Variants in SHROOM1 observed in about 807,000 individuals in gnomAD.
SHROOM1 encodes shroom family member 1.
SHROOM1 carries 53 observed loss-of-function variants against 64.2 expected under a neutral mutation model. The observed-to-expected ratio is 0.83, with a 90% CI of 0.66 to 1.04. SHROOM1 has a LOEUF of 1.04. SHROOM1 is among the 50% of genes least tolerant of loss of function. SHROOM1 has a pLI of 0.00. For missense variants in SHROOM1, 1,179 were observed against 1,163.2 expected (o/e 1.01, Z -0.20); for synonymous variants, 490 against 518.9 (o/e 0.94, Z 0.76).
intron 1 of SHROOM1, among the ~76,000 whole-genome samples, chr5:132,829,295 C>T (rs1406680076): frequency 1.2e-4 from 18 of 152,102 alleles, no homozygotes; most frequent in Admixed American, 1.2e-3. Flanking sequence ...GGTGGAGGCA[C>T]CAGTCTGAAA....
At chr5:132,828,962 CCAGCCAGCCCCTG>C (rs1372923828) in intron 1 of SHROOM1, among the ~76,000 whole-genome samples, 1 of 152,226 alleles carries the variant, frequency 6.6e-6, no homozygotes, top group Non-Finnish European at 1.5e-5. Flanking sequence ...CTCTTGCAGT[CCAGCCAGCCCCTG>C]TGGCTGGGGG....
At position 132,824,239 on chromosome 5, in the gene SHROOM1, A is replaced by C; in HGVS notation, c.1422T>G (p.Thr474=). ...CAATAGTTGGGATGTTATCATTTGC[A>C]GTCCCAGTGGGGGTGTGGCTTGTGG... ...SRPTSHTPTG[T]ANDNIPTIDP... Residue 474 remains threonine, a synonymous_variant, in exon 7 of 10, where the codon ACT becomes ACG. Coordinates refer to ENST00000378679, the MANE Select transcript of SHROOM1 (RefSeq NM_001172700.2). 1 of 1,614,098 alleles carries C rather than the reference A, an allele frequency of 6.2e-7. No individual in the cohort carries two copies. Among genetic ancestry groups the C allele is most frequent in the Non-Finnish European group, 8.5e-7 (1 of 1,180,002 alleles).
Position 132,824,387 on chromosome 5 carries a change from C to A in SHROOM1, c.1274G>T (p.Gly425Val). 1 of 1,571,616 alleles carries A rather than the reference C, an allele frequency of 6.4e-7. No homozygotes were observed. The highest frequency in any genetic ancestry group is 8.6e-7 in the Non-Finnish European group (1 of 1,159,668). Reference sequence around the variant, plus strand: ...AACCTGGCCAGTTCTTTGGCCTAAGCCAGTTCCATACGGCTGGTCAGAGGC... The same window carrying A: ...AACCTGGCCAGTTCTTTGGCCTAAGACAGTTCCATACGGCTGGTCAGAGGC... The part of the protein sequence containing the change: ...VHASDQPYGT[G>V]LGQRTGQVTV... The change falls in exon 7 of 10, where the codon GGC becomes GTC. Residue 425 changes from glycine to valine, a missense_variant. Gly to Val is a moderately radical substitution (Grantham distance 109). Transcript: ENST00000378679.
chr5:132,822,855 C>G lies in SHROOM1; in HGVS notation c.2500G>C (p.Ala834Pro). Residue 834 changes from alanine (A) to proline (P), a missense_variant, in exon 10 of 10, where the codon GCG becomes CCG. Ala to Pro is a conservative substitution (Grantham distance 27). Coordinates refer to ENST00000378679, the MANE Select transcript of SHROOM1 (RefSeq NM_001172700.2). Reference protein sequence around the residue: ...LGHHAPSPSPARPPGTCPPVQ... With the variant: ...LGHHAPSPSPPRPPGTCPPVQ... ...GGAGGACAGGTCCCTGGGGGCCGCG[C>G]CGGGCTGGGAGACGGGGCATGATGG... 6.2e-7 allele frequency: 1 copy of G among 1,613,224 alleles called. No individual in the cohort carries two copies. Among genetic ancestry groups the G allele is most frequent in the Non-Finnish European group, 8.5e-7 (1 of 1,179,864 alleles).
At chr5:132,829,262 C>T (rs1758785260) in intron 1 of SHROOM1, among the ~76,000 whole-genome samples, 1 of 152,152 alleles carries the variant, frequency 6.6e-6, no homozygotes, top group African/African-American at 2.4e-5. Flanking sequence ...ATGAGATTGG[C>T]CTTCAAAGCT....
rs1758562448 is a variant in SHROOM1 at position 132,824,054 on chromosome 5, G to A, written c.1607C>T (p.Thr536Ile). Residue 536 changes from threonine to isoleucine, a missense_variant, in exon 7 of 10, where the codon ACA becomes ATA. Transcript: ENST00000378679. ...RGTGQPGSRP[T>I]WPSQCLEELV... ...CTCCTCGAGGCACTGACTAGGCCAT[G>A]TGGGCCTGGAACCAGGCTGGCCAGT... The A allele has an allele frequency of 1.2e-6, 2 of 1,611,598 alleles. No homozygotes were observed. The highest frequency in any genetic ancestry group is 1.7e-6 in the Non-Finnish European group (2 of 1,178,628).
rs558427750 is a variant in SHROOM1 at position 132,825,738 on chromosome 5, G to A, written c.403C>T (p.Pro135Ser). The A allele has an allele frequency of 2.4e-6, 3 of 1,264,190 alleles. No homozygotes were observed. Among genetic ancestry groups the A allele is most frequent in the East Asian group, 3.2e-5 (1 of 31,082 alleles). The allele number at this position is 1,264,190 out of a possible 1,614,324, so 78.3% of individuals were successfully genotyped here. A position where few individuals can be genotyped will look rare whatever the true frequency, so the allele number is the denominator to read the frequency against. ...TGGCGGTAGGCGGCCCTCGAGGCCG[G>A]CGGGCTGGGCGGCTCGGCAGCCTGC... ...AAQAAEPPSPPASRAAYRQRL... is the reference protein window; with the variant it reads ...AAQAAEPPSPSASRAAYRQRL... Residue 135 changes from proline to serine, a missense_variant, in exon 4 of 10, where the codon CCG becomes TCG. Transcript: ENST00000378679. The surrounding 1 kb of genome is among the most constrained non-coding windows in gnomAD (Gnocchi z 5.1).
chr5:132,824,770 C>T lies in SHROOM1; in HGVS notation c.1086G>A (p.Gln362=). The change falls in exon 6 of 10, where the codon CAG becomes CAA. Residue 362 remains glutamine (Q), a synonymous_variant. Transcript: ENST00000378679. The stretch of plus-strand genomic sequence containing the variant: ...TCTGTTCACTGTCAGCAGGGCTGCT[C>T]TGGGGTAACTCTGCAGGATACATCA... The part of the protein sequence containing the change: ...AAVMYPAELP[Q]SSPADSEQRV... 3 of 1,614,084 alleles carry T rather than the reference C, an allele frequency of 1.9e-6. No homozygotes were observed. Among genetic ancestry groups the T allele is most frequent in the African/African-American group, 1.3e-5 (1 of 75,020 alleles).
chr5:132,824,629 C>G lies in SHROOM1; in HGVS notation c.1227G>C (p.Gln409His). 6.2e-7 allele frequency: 1 copy of G among 1,608,524 alleles called. No individual in the cohort carries two copies. Among genetic ancestry groups the G allele is most frequent in the Non-Finnish European group, 8.5e-7 (1 of 1,175,858 alleles). Residue 409 changes from glutamine to histidine, a missense_variant, in exon 6 of 10, where the codon CAG (glutamine) becomes CAC (histidine). Transcript: ENST00000378679. ...GAGGGAATTACCTGGCTGGGGGCCCCTGGGAGGCATGGGGGTCTGGTGGTG... is the reference window on the plus strand; with the variant it reads ...GAGGGAATTACCTGGCTGGGGGCCCGTGGGAGGCATGGGGGTCTGGTGGTG... ...MRSPPDPHASQGPPASVHASD... is the reference protein window; with the variant it reads ...MRSPPDPHASHGPPASVHASD...
Position 132,824,288 on chromosome 5 carries a change from T to C in SHROOM1, c.1373A>G (p.Asn458Ser). The change falls in exon 7 of 10, where the codon AAT becomes AGT. Residue 458 changes from asparagine (N) to serine (S), a missense_variant. By Grantham distance (46) the Asn-to-Ser change is conservative (BLOSUM62 1). Transcript: ENST00000378679. ...AGADDCWQGV[N>S]GSVGISRPTS... ...GGGCCTGGAAATACCTACAGAACCA[T>C]TCACCCCCTGCCAGCAGTCATCTGC... is the stretch of plus-strand genomic sequence containing the variant. 6.2e-7 allele frequency: 1 copy of C among 1,613,762 alleles called. No homozygotes were observed. Among genetic ancestry groups the C allele is most frequent in the South Asian group, 1.1e-5 (1 of 91,034 alleles).
In SHROOM1 at chr5:132,825,958, G is replaced by C; in HGVS notation, c.183C>G (p.Asp61Glu). The C allele has an allele frequency of 6.8e-7, 1 of 1,467,864 alleles. No individual in the cohort carries two copies. Among genetic ancestry groups the C allele is most frequent in the Non-Finnish European group, 9.0e-7 (1 of 1,105,390 alleles). The allele number at this position is 1,467,864 out of a possible 1,614,324, so 90.9% of individuals were successfully genotyped here. ...GTDLLPYLDWDYVRVVWGGPG... is the reference protein window; with the variant it reads ...GTDLLPYLDWEYVRVVWGGPG... ...GGCCGCCCCAAACCACACGCACGTA[G>C]TCCCAGTCTAGGTAAGGAAGGAGGT... Residue 61 changes from aspartate (D) to glutamate (E), a missense_variant, in exon 4 of 10, where the codon GAC becomes GAG. Physicochemically the swap from Asp to Glu is conservative, Grantham distance 45. Coordinates refer to ENST00000378679, the MANE Select transcript of SHROOM1 (RefSeq NM_001172700.2). The surrounding 1 kb of genome is among the most constrained non-coding windows in gnomAD (Gnocchi z 5.1).
chr5:132,823,958 G>C lies in SHROOM1; in HGVS notation c.1703C>G (p.Pro568Arg). The C allele has an allele frequency of 6.3e-7, 1 of 1,598,544 alleles. No homozygotes were observed. The highest frequency in any genetic ancestry group is 2.2e-5 in the East Asian group (1 of 44,820). ...CAGTCCATCCAGCAGGCCCAGGGGT[G>C]GCTCTGGGCTGGGCTGGGAAGCAAG... ...DPLASQPSPE[P>R]PLGLLDGLIP... The change falls in exon 7 of 10, where the codon CCA becomes CGA. Residue 568 changes from proline to arginine, a missense_variant. By Grantham distance (103) the Pro-to-Arg change is moderately radical. Transcript: ENST00000378679. The surrounding 1 kb of genome is among the most constrained non-coding windows in gnomAD (Gnocchi z 4.6).
In SHROOM1 at chr5:132,824,164, G is replaced by A. The variant is rs1432623351; in HGVS notation, c.1497C>T (p.Leu499=). 6.2e-7 allele frequency: 1 copy of A among 1,614,134 alleles called. No homozygotes were observed. Among genetic ancestry groups the A allele is most frequent in the Non-Finnish European group, 8.5e-7 (1 of 1,180,052 alleles). ...AGGCATCAGCTGGGACAGGTTTGAG[G>A]AGGTCACTCTCTGCAGCTGTGGGGG... ...TNPPTAAESD[L]LKPVPADALG... Residue 499 remains leucine, a synonymous_variant, in exon 7 of 10, where the codon CTC becomes CTT. Coordinates refer to ENST00000378679, the MANE Select transcript of SHROOM1 (RefSeq NM_001172700.2).
Position 132,826,352 on chromosome 5 carries a change from G to T in SHROOM1, c.-118C>A. 2.6e-6 allele frequency: 3 copies of T among 1,152,628 alleles called. No homozygotes were observed. The highest frequency in any genetic ancestry group is 3.3e-6 in the Non-Finnish European group (3 of 914,082). 71.4% of individuals were successfully genotyped at this position (1,152,628 alleles called of 1,614,324 possible). A position where few individuals can be genotyped will look rare whatever the true frequency, so the allele number is the denominator to read the frequency against. ...TGGCAGAGTCACCTTGGGATCAGAG[G>T]TGGCAGAGGAAGTAGGACCAGTCCC... On this transcript the variant is annotated 5_prime_UTR_variant, in exon 3 of 10. Coordinates refer to ENST00000378679, the MANE Select transcript of SHROOM1 (RefSeq NM_001172700.2).
chr5:132,823,330 G>A lies in SHROOM1; in HGVS notation c.2146C>T (p.Leu716=). 1 of 1,605,328 alleles carries A rather than the reference G, an allele frequency of 6.2e-7. No individual in the cohort carries two copies. The highest frequency in any genetic ancestry group is 1.7e-4 in the Middle Eastern group (1 of 6,060). The change falls in exon 9 of 10, where the codon CTG becomes TTG. Residue 716 remains leucine, a synonymous_variant. Transcript: ENST00000378679. This position sits in a 1 kb window ranked among gnomAD's most constrained non-coding sequence, Gnocchi z 4.6. ...GCCAGGCGACTGCCCAGCAGCAGCA[G>A]AAGGCCAAGCACGCGCTCTAGGTCG... ...MADLERVLGL[L]LLLGSRLARV...
chr5:132,825,877 C>T lies in SHROOM1; in HGVS notation c.264G>A (p.Ala88=), dbSNP rs1758674751. The T allele has an allele frequency of 1.1e-5, 14 of 1,301,754 alleles. No individual in the cohort carries two copies. The highest frequency in any genetic ancestry group is 1.4e-5 in the Non-Finnish European group (14 of 1,019,900). 80.6% of individuals were successfully genotyped at this position (1,301,754 alleles called of 1,614,324 possible). A position where few individuals can be genotyped will look rare whatever the true frequency, so the allele number is the denominator to read the frequency against. The change falls in exon 4 of 10, where the codon GCG becomes GCA. Residue 88 remains alanine, a synonymous_variant. Transcript: ENST00000378679. This position sits in a 1 kb window ranked among gnomAD's most constrained non-coding sequence, Gnocchi z 5.1. ...ALCTSPRPRP[A]VAARSGPQPT... ...GCTGCGGCCCACTGCGGGCTGCAAC[C>T]GCGGGCCGGGGCCGCGGGGATGTGC...
chr5:132,826,325 T>A lies in SHROOM1; in HGVS notation c.-91A>T, dbSNP rs1758702303. ...TCACAAGCGCTGGCATCCCCCAGATTTTGGCAGAGTCACCTTGGGATCAGA... is the reference window on the plus strand; with the variant it reads ...TCACAAGCGCTGGCATCCCCCAGATATTGGCAGAGTCACCTTGGGATCAGA... On this transcript the variant is annotated 5_prime_UTR_variant, in exon 3 of 10. Transcript: ENST00000378679. 4 of 1,231,934 alleles carry A rather than the reference T, an allele frequency of 3.2e-6. No homozygotes were observed. The South Asian group carries it at 1.2e-4, about 36-fold the overall frequency. The allele number at this position is 1,231,934 out of a possible 1,614,324, so 76.3% of individuals were successfully genotyped here. A position where few individuals can be genotyped will look rare whatever the true frequency, so the allele number is the denominator to read the frequency against.
chr5:132,825,831 G>A lies in SHROOM1; in HGVS notation c.310C>T (p.Pro104Ser). 7.9e-7 allele frequency: 1 copy of A among 1,263,528 alleles called. No individual in the cohort carries two copies. Among genetic ancestry groups the A allele is most frequent in the South Asian group, 3.1e-5 (1 of 31,880 alleles). The allele number at this position is 1,263,528 out of a possible 1,614,324, so 78.3% of individuals were successfully genotyped here. Residue 104 changes from proline (P) to serine (S), a missense_variant, in exon 4 of 10, where the codon CCG (proline) becomes TCG (serine). Coordinates refer to ENST00000378679, the MANE Select transcript of SHROOM1 (RefSeq NM_001172700.2). This position sits in a 1 kb window ranked among gnomAD's most constrained non-coding sequence, Gnocchi z 5.1. The stretch of plus-strand genomic sequence containing the variant: ...GTGGCCTGCCTGTTCAGTGGTCCCG[G>A]GGTCCCCGGGACCTCTGTTGGCTGC... ...GPQPTEVPGT[P>S]GPLNRQATPL... is the part of the protein sequence containing the mutation.
chr5:132,828,751 CAT>C (rs1044398522), intron 1 of SHROOM1, among the ~76,000 whole-genome samples: 1 of 152,012 alleles, frequency 6.6e-6, no homozygotes, highest in Admixed American at 6.5e-5. Flanking sequence ...TGTGTCTACA[CAT>C]GTGTTTCCTT....
Sources: allele counts gnomAD v4.1 joint callset (sites outside exome capture counted in the v4.1 genomes callset), GRCh38; gene constraint gnomAD v4.1.1; non-coding constraint Gnocchi (gnomAD v3.1); transcripts MANE v1.5; gene names NCBI Gene and HGNC (gene_info 2026-07-23, HGNC 2026-07-21).